The following ACBD6 variants were observed in gnomAD, a reference collection of about 807,000 sequenced individuals.
ACBD6 encodes acyl-CoA-binding domain-containing protein 6.
Under a neutral mutation model 37.2 loss-of-function variants are expected in ACBD6, and 28 were observed. That is an observed-to-expected ratio of 0.75 (90% CI 0.56 to 1.03). The LOEUF is 1.03. Ranked by LOEUF, ACBD6 falls within the 50% of genes least tolerant of loss-of-function variation. ACBD6 has a pLI of 0.00. For missense variants in ACBD6, 340 were observed against 337.4 expected (o/e 1.01, Z -0.06); for synonymous variants, 113 against 126.8 (o/e 0.89, Z 0.73).
chr1:180,356,850 C>CA (rs1294062706), intron 6 of ACBD6, among the ~76,000 whole-genome samples: 341 of 25,540 alleles, frequency 0.013, 2 homozygotes, highest in African/African-American at 0.031. Flanking sequence ...GACCTTGTCT[C>CA]AAAAGAAAAA....
intron 4 of ACBD6, among the ~76,000 whole-genome samples, chr1:180,425,254 G>C (rs1032719819): frequency 1.3e-5 from 2 of 152,178 alleles, no homozygotes; most frequent in Non-Finnish European, 2.9e-5. Context: ...ATTTATGCCA[G>C]CTGAGGTTTT....
chr1:180,345,753 T>C (rs771310443), intron 6 of ACBD6, among the ~76,000 whole-genome samples: 20 of 152,160 alleles, frequency 1.3e-4, no homozygotes, highest in Non-Finnish European at 1.2e-4. Flanking sequence ...ATCTAAACTA[T>C]ATAAAGCAAG....
chr1:180,351,693 A>G (rs1348255799), intron 6 of ACBD6, among the ~76,000 whole-genome samples: 2 of 150,438 alleles, frequency 1.3e-5, no homozygotes, highest in Non-Finnish European at 2.9e-5. Context: ...GGATTTGGGG[A>G]AAGTGGAACC....
intron 5 of ACBD6, among the ~76,000 whole-genome samples, chr1:180,401,319 GT>G (rs1647349748): frequency 6.6e-6 from 1 of 152,158 alleles, no homozygotes; most frequent in Non-Finnish European, 1.5e-5. Context: ...AAAGTGCAGG[GT>G]AGCAGCTAAC....
At chr1:180,271,583 A>G in exon 14 of ACBD6, 1 of 1,604,172 alleles carries the variant, frequency 6.2e-7, no homozygotes, top group Non-Finnish European at 8.5e-7. Flanking sequence ...GGCCCGGGAC[A>G]GGGGTGGAAG....
intron 3 of ACBD6, among the ~76,000 whole-genome samples, chr1:180,448,301 A>C (rs1649553908): frequency 6.6e-6 from 1 of 152,286 alleles, no homozygotes; most frequent in Non-Finnish European, 1.5e-5. Context: ...ATCCTTAACT[A>C]TTGCAACTTG....
At chr1:180,351,867 T>C (rs1652433084) in intron 6 of ACBD6, among the ~76,000 whole-genome samples, 1 of 152,168 alleles carries the variant, frequency 6.6e-6, no homozygotes, top group Non-Finnish European at 1.5e-5. Flanking sequence ...AGTGGCATCA[T>C]ATACAATAAC....
intron 3 of ACBD6, among the ~76,000 whole-genome samples, chr1:180,477,573 G>T (rs956999385): frequency 9.2e-5 from 14 of 151,958 alleles, no homozygotes; most frequent in African/African-American, 1.4e-4. Flanking sequence ...TCATTAGAAC[G>T]AATTTTTTTT....
intron 3 of ACBD6, among the ~76,000 whole-genome samples, chr1:180,451,480 G>A (rs1441364593): frequency 2.0e-5 from 3 of 152,032 alleles, no homozygotes; most frequent in Non-Finnish European, 4.4e-5. Context: ...GAACCCAAAT[G>A]TCCAAAAAAA....
chr1:180,290,427 T>C (rs1278762553), intron 7 of ACBD6, among the ~76,000 whole-genome samples: 4 of 152,206 alleles, frequency 2.6e-5, no homozygotes, highest in Non-Finnish European at 5.9e-5. Flanking sequence ...TCCTCCCGCC[T>C]TGGCCTCCCA....
At chr1:180,336,952 C>T (rs901844874) in intron 6 of ACBD6, among the ~76,000 whole-genome samples, 2 of 152,044 alleles carry the variant, frequency 1.3e-5, no homozygotes, top group African/African-American at 2.4e-5. Flanking sequence ...CAAGACTAAA[C>T]CAGGAAGAAG....
At chr1:180,426,873 T>C (rs1226318457) in intron 4 of ACBD6, among the ~76,000 whole-genome samples, 1 of 152,202 alleles carries the variant, frequency 6.6e-6, no homozygotes, top group African/African-American at 2.4e-5. Context: ...ACACAGCTAG[T>C]AAGTGGTGGA....
At chr1:180,490,683 G>A (rs183518853) in intron 3 of ACBD6, among the ~76,000 whole-genome samples, 21 of 151,706 alleles carry the variant, frequency 1.4e-4, no homozygotes, top group Middle Eastern at 3.4e-3. Flanking sequence ...CTACTCAGGC[G>A]GCTGAGGCAG....
At chr1:180,458,572 C>T (rs992903813) in intron 3 of ACBD6, among the ~76,000 whole-genome samples, 2 of 151,866 alleles carry the variant, frequency 1.3e-5, no homozygotes, top group Non-Finnish European at 2.9e-5. Context: ...GAAGGCTTCA[C>T]GGAATAAACA....
chr1:180,359,767 TTTC>T (rs1348935619), intron 6 of ACBD6, among the ~76,000 whole-genome samples: 2 of 152,172 alleles, frequency 1.3e-5, no homozygotes, highest in African/African-American at 4.8e-5. Context: ...TCTCTTAGAA[TTTC>T]TTCTTGTCAA....
At chr1:180,464,946 CA>C (rs1650290074) in intron 3 of ACBD6, among the ~76,000 whole-genome samples, 1 of 152,068 alleles carries the variant, frequency 6.6e-6, no homozygotes, top group African/African-American at 2.4e-5. Context: ...ACTCCCTATT[CA>C]ATAAATGGTG....
At chr1:180,325,614 G>A (rs910212626) in intron 6 of ACBD6, among the ~76,000 whole-genome samples, 2 of 152,100 alleles carry the variant, frequency 1.3e-5, no homozygotes, top group Admixed American at 1.3e-4. Flanking sequence ...GGATGATCTC[G>A]ATGATTGTGG....
At chr1:180,444,907 T>C (rs2102018441) in intron 3 of ACBD6, among the ~76,000 whole-genome samples, 1 of 152,342 alleles carries the variant, frequency 6.6e-6, no homozygotes, top group Middle Eastern at 3.4e-3. Context: ...TAAAGCCTTG[T>C]GAAACTTTTT....
chr1:180,465,308 C>G (rs1355740345), intron 3 of ACBD6, among the ~76,000 whole-genome samples: 1 of 151,974 alleles, frequency 6.6e-6, no homozygotes, highest in Non-Finnish European at 1.5e-5. Context: ...GGAACTTAAA[C>G]AGATCAACAA....
Sources: gnomAD v4.1 joint callset for allele counts (sites outside exome capture counted in the v4.1 genomes callset) on GRCh38, gnomAD v4.1.1 for gene constraint, MANE v1.5 for transcripts, NCBI Gene and HGNC (gene_info 2026-07-23, HGNC 2026-07-21) for gene names.